Variants in SLC25A12 observed in about 807,000 individuals in gnomAD.
SLC25A12 encodes electrogenic aspartate/glutamate antiporter SLC25A12, mitochondrial.
A neutral mutation model predicts 83.3 loss-of-function variants in SLC25A12; 32 were observed. The observed-to-expected ratio is 0.38, with a 90% confidence interval of 0.29 to 0.52. The LOEUF (loss-of-function observed/expected upper bound fraction) is 0.52, where lower values mean the gene tolerates loss of function less well. Among genes scored for constraint, SLC25A12 ranks in the 20% least tolerant of loss-of-function variants. SLC25A12 has a pLI of 0.84. For synonymous variants in SLC25A12, 267 were observed against 291.1 expected, an observed-to-expected ratio of 0.92 and a Z score of 0.84; for missense variants, 611 against 835.6, an observed-to-expected ratio of 0.73 and a Z score of 3.31.
chr2:171,787,315 T>G (rs1442239427), intron 17 of SLC25A12, among the ~76,000 whole-genome samples: 1 of 152,108 alleles, frequency 6.6e-6, no homozygotes, highest in Non-Finnish European at 1.5e-5. Flanking sequence ...ACAGAGGATA[T>G]CCTGTCTTTT....
chr2:171,884,489 G>C (rs1359271556), intron 2 of SLC25A12, among the ~76,000 whole-genome samples: 2 of 151,714 alleles, frequency 1.3e-5, no homozygotes, highest in African/African-American at 4.8e-5. Context: ...TTCTAGGCTG[G>C]GCACGGATGG....
chr2:171,881,722 A>G (rs1425989862), intron 2 of SLC25A12, among the ~76,000 whole-genome samples: 14 of 152,140 alleles, frequency 9.2e-5, no homozygotes, highest in Admixed American at 9.2e-4. Context: ...AAAAACAGGG[A>G]TACCTTATTC....
intron 4 of SLC25A12, among the ~76,000 whole-genome samples, chr2:171,851,566 C>T (rs990129790): frequency 1.5e-4 from 23 of 151,134 alleles, no homozygotes; most frequent in African/African-American, 4.9e-4. Context: ...CAGGGTTTCA[C>T]TCCGGTTACC....
chr2:171,883,483 G>C (rs540109039), intron 2 of SLC25A12, among the ~76,000 whole-genome samples: 1 of 152,280 alleles, frequency 6.6e-6, no homozygotes, highest in Non-Finnish European at 1.5e-5. Flanking sequence ...AGATGTTCTA[G>C]GAACTCTATA....
intron 4 of SLC25A12, among the ~76,000 whole-genome samples, chr2:171,855,531 C>T (rs1685028553): frequency 6.6e-6 from 1 of 152,024 alleles, no homozygotes; most frequent in African/African-American, 2.4e-5. Context: ...CAAAATCGAC[C>T]TTGTAAGGAA....
chr2:171,802,389 G>A (rs1683726587), intron 13 of SLC25A12, among the ~76,000 whole-genome samples: 3 of 151,606 alleles, frequency 2.0e-5, no homozygotes, highest in Admixed American at 2.0e-4. Flanking sequence ...GCACATCCAA[G>A]TTATCATAAA....
At chr2:171,861,613 A>AC (rs1428196897) in intron 3 of SLC25A12, among the ~76,000 whole-genome samples, 2 of 151,968 alleles carry the variant, frequency 1.3e-5, no homozygotes, top group Admixed American at 6.6e-5. Flanking sequence ...TTGCTATGTT[A>AC]CCCCGGTTGG....
chr2:171,829,067 C>T (rs550351967), intron 8 of SLC25A12, among the ~76,000 whole-genome samples: 2 of 152,322 alleles, frequency 1.3e-5, no homozygotes, highest in Non-Finnish European at 1.5e-5. Flanking sequence ...GGCAACTCTC[C>T]ATCCATTCCA....
At chr2:171,800,104 G>GA (rs1187578750) in intron 13 of SLC25A12, among the ~76,000 whole-genome samples, 1 of 151,994 alleles carries the variant, frequency 6.6e-6, no homozygotes, top group Non-Finnish European at 1.5e-5. Context: ...TCTCCCTTAA[G>GA]TTTCTGGATC....
At chr2:171,836,446 A>G (rs1330828772) in intron 6 of SLC25A12, among the ~76,000 whole-genome samples, 1 of 152,216 alleles carries the variant, frequency 6.6e-6, no homozygotes, top group Admixed American at 6.5e-5. Flanking sequence ...ATTGGTCCAG[A>G]TGATTACTTT....
intron 2 of SLC25A12, among the ~76,000 whole-genome samples, chr2:171,876,683 AC>A (rs1685582899): frequency 6.6e-6 from 1 of 152,014 alleles, no homozygotes; most frequent in Non-Finnish European, 1.5e-5. Context: ...TTGCCCCCCC[AC>A]ACACACATAC....
intron 2 of SLC25A12, among the ~76,000 whole-genome samples, chr2:171,887,690 AG>A (rs1232684359): frequency 2.0e-5 from 3 of 152,162 alleles, no homozygotes; most frequent in African/African-American, 7.2e-5. Context: ...TGGGTGAGAG[AG>A]GTTAAAAGAA....
chr2:171,861,099 A>AT (rs1288612115), intron 3 of SLC25A12, among the ~76,000 whole-genome samples: 1 of 151,576 alleles, frequency 6.6e-6, no homozygotes, highest in Non-Finnish European at 1.5e-5. Flanking sequence ...CTCAAAAATA[A>AT]TAATAATAAA....
chr2:171,831,095 T>C (rs1434100988), intron 8 of SLC25A12, among the ~76,000 whole-genome samples: 1 of 152,252 alleles, frequency 6.6e-6, no homozygotes, highest in Non-Finnish European at 1.5e-5. Context: ...TAAACTGCGT[T>C]GTGCCTCAGT....
chr2:171,806,069 C>T (rs1316570249), intron 13 of SLC25A12, among the ~76,000 whole-genome samples: 4 of 152,000 alleles, frequency 2.6e-5, no homozygotes, highest in African/African-American at 9.7e-5. Flanking sequence ...GCTGAGATCG[C>T]ACCACGCCAC....
chr2:171,823,596 C>T (rs1249646635), intron 9 of SLC25A12, among the ~76,000 whole-genome samples: 1 of 152,098 alleles, frequency 6.6e-6, no homozygotes, highest in Admixed American at 6.5e-5. Flanking sequence ...ACACTTAAGA[C>T]CTTAATTTTT....
intron 2 of SLC25A12, among the ~76,000 whole-genome samples, chr2:171,884,278 C>T (rs1685764686): frequency 6.6e-6 from 1 of 150,944 alleles, no homozygotes; most frequent in Admixed American, 6.6e-5. Flanking sequence ...GCAACCTCTG[C>T]CTCCTGGGTT....
intron 2 of SLC25A12, among the ~76,000 whole-genome samples, chr2:171,887,710 T>C (rs1574009864): frequency 6.6e-6 from 1 of 152,308 alleles, no homozygotes; most frequent in East Asian, 1.9e-4. Context: ...AAAAAAGGGA[T>C]AAATCAAGAA....
chr2:171,859,193 T>C (rs144847968), intron 3 of SLC25A12, among the ~76,000 whole-genome samples: 174 of 152,296 alleles, frequency 1.1e-3, no homozygotes, highest in Middle Eastern at 3.4e-3. Flanking sequence ...TAAGAAGCTA[T>C]TGGGGTAATA....
Sources: allele counts gnomAD v4.1 joint callset (sites outside exome capture counted in the v4.1 genomes callset), GRCh38; gene constraint gnomAD v4.1.1; transcripts MANE v1.5; gene names NCBI Gene and HGNC (gene_info 2026-07-23, HGNC 2026-07-21).